Variants in SLC4A10 observed in about 807,000 individuals in gnomAD.
SLC4A10 encodes the protein solute carrier family 4 member 10.
A neutral mutation model predicts 137.7 loss-of-function variants in SLC4A10; 42 were observed. The ratio of observed to expected loss-of-function variants is 0.30; its 90% confidence interval spans 0.24 to 0.39. SLC4A10 has a LOEUF of 0.39. Ranked by LOEUF, SLC4A10 falls within the 10% of genes least tolerant of loss-of-function variation. The probability of loss-of-function intolerance (pLI) is 1.00; values close to 1 mark genes in which losing one functional copy is unlikely to be tolerated. For synonymous variants in SLC4A10, 474 were observed against 464.1 expected (o/e 1.02, Z -0.27); for missense variants, 925 against 1,355.0 (o/e 0.68, Z 4.98).
At chr2:161,835,499 T>C (rs2058710293) in intron 3 of SLC4A10, among the ~76,000 whole-genome samples, 1 of 152,186 alleles carries the variant, frequency 6.6e-6, no homozygotes, top group African/African-American at 2.4e-5. Flanking sequence ...AACTCCAAAA[T>C]CTACACTTGG....
intron 1 of SLC4A10, among the ~76,000 whole-genome samples, chr2:161,683,925 C>T (rs1464969221): frequency 2.6e-5 from 4 of 151,996 alleles, no homozygotes; most frequent in African/African-American, 4.8e-5. Flanking sequence ...TTGAATGTTC[C>T]AATTCTGTAA....
At position 161,958,417 on chromosome 2, in the gene SLC4A10, C is replaced by A. The variant is rs1696046264; in HGVS notation, c.2794-70C>A. ...AAATGCCTTTTTTCCCTGTTTTTTT[C>A]TTTGATAAATGCAAAACCACAATCT... On this transcript the variant is annotated intron_variant, in intron 20 of 26. Coordinates refer to ENST00000446997, the MANE Select transcript of SLC4A10 (RefSeq NM_001178015.2). 6 of 1,324,832 alleles carry A rather than the reference C, an allele frequency of 4.5e-6. No homozygotes were observed. The East Asian group carries it at 1.4e-4, about 31-fold the overall frequency. The allele number at this position is 1,324,832 out of a possible 1,614,324, so 82.1% of individuals were successfully genotyped here. A position where few individuals can be genotyped will look rare whatever the true frequency, so the allele number is the denominator to read the frequency against.
At chr2:161,660,661 C>CTTCTTTCTTTCTTTTTTTCT (rs1558970156) in intron 1 of SLC4A10, among the ~76,000 whole-genome samples, 1 of 130,008 alleles carries the variant, frequency 7.7e-6, no homozygotes, top group African/African-American at 3.4e-5. Context: ...TCTTTCTTTC[C>CTTCTTTCTTTCTTTTTTTCT]TTTTTTTTTT....
intron 1 of SLC4A10, among the ~76,000 whole-genome samples, chr2:161,653,581 A>G (rs1226222292): frequency 1.3e-5 from 2 of 152,208 alleles, no homozygotes; most frequent in Non-Finnish European, 2.9e-5. Context: ...ACTGTTTATT[A>G]TACTTTCTCT....
chr2:161,880,528 G>A (rs1485144242), intron 9 of SLC4A10, among the ~76,000 whole-genome samples: 1 of 152,030 alleles, frequency 6.6e-6, no homozygotes, highest in Non-Finnish European at 1.5e-5. Context: ...TCAGATTATA[G>A]AAAGAAGTCT....
chr2:161,645,335 C>G (rs986982885), intron 1 of SLC4A10, among the ~76,000 whole-genome samples: 1 of 151,772 alleles, frequency 6.6e-6, no homozygotes, highest in Non-Finnish European at 1.5e-5. Context: ...TACTACAAGA[C>G]TTCTTGTTAT....
At position 161,977,748 on chromosome 2, in the gene SLC4A10, T is replaced by C. The variant is rs771336156; in HGVS notation, c.*14T>C. 6.3e-7 allele frequency: 1 copy of C among 1,596,516 alleles called. No homozygotes were observed. Among genetic ancestry groups the C allele is most frequent in the Non-Finnish European group, 8.5e-7 (1 of 1,173,604 alleles). On this transcript the variant is annotated 3_prime_UTR_variant, in exon 26 of 27. Transcript: ENST00000446997. ...TCCCCTTCCTAATCACTCTAGAAGC[T>C]GATTCCCCAAAGGTAAGACCCTCTC...
chr2:161,842,438 C>A (rs931348676), intron 4 of SLC4A10, among the ~76,000 whole-genome samples: 1 of 152,008 alleles, frequency 6.6e-6, no homozygotes, highest in Non-Finnish European at 1.5e-5. Context: ...TAGTGAGGTA[C>A]AACATCTTTT....
chr2:161,751,475 G>T (rs1318806474), intron 1 of SLC4A10, among the ~76,000 whole-genome samples: 1 of 150,452 alleles, frequency 6.6e-6, no homozygotes, highest in Admixed American at 6.7e-5. Context: ...AGTTATAATA[G>T]TCTATTTTAA....
In SLC4A10 at chr2:161,624,752, T is replaced by TC. The variant is rs577653032; in HGVS notation, c.48+195dup. On this transcript the variant is annotated intron_variant, in intron 1 of 26. Transcript: ENST00000446997. Reference sequence around the variant, plus strand: ...CATAAAGCAAAGCACACGATTCTCCTCCCCCCCCCTTCTCAATATGGATGC... The same window carrying TC: ...CATAAAGCAAAGCACACGATTCTCCTCCCCCCCCCCTTCTCAATATGGATGC... Among the ~76,000 whole-genome samples, 359 of 148,880 alleles carry TC rather than the reference T, an allele frequency of 2.4e-3. 2 individuals are homozygous for TC. In the South Asian group the frequency reaches 0.036, roughly 15 times the overall value.
At chr2:161,950,593 A>T in intron 18 of SLC4A10, 94 bp from the exon 19 acceptor site, 3 of 1,196,104 alleles carry the variant, frequency 2.5e-6, no homozygotes, top group Admixed American at 2.7e-5. Flanking sequence ...CTCTGTTTAT[A>T]ATTAGGGCTT....
At chr2:161,868,232 T>C (rs1559421724) in intron 6 of SLC4A10, among the ~76,000 whole-genome samples, 1 of 151,824 alleles carries the variant, frequency 6.6e-6, no homozygotes, top group Non-Finnish European at 1.5e-5. Context: ...TACCTTTTTT[T>C]CCAATAATGA....
intron 8 of SLC4A10, among the ~76,000 whole-genome samples, chr2:161,874,249 C>A (rs1435633318): frequency 6.6e-6 from 1 of 152,208 alleles, no homozygotes; most frequent in Non-Finnish European, 1.5e-5. Context: ...TAACGAGCTG[C>A]ATATTTATGT....
chr2:161,625,823 G>A (rs918139616), intron 1 of SLC4A10, among the ~76,000 whole-genome samples: 1 of 152,046 alleles, frequency 6.6e-6, no homozygotes, highest in East Asian at 1.9e-4. Context: ...TGGGAAGAAT[G>A]CAAGGAGTTA....
At chr2:161,963,871 T>A (rs1296956416) in intron 21 of SLC4A10, among the ~76,000 whole-genome samples, 1 of 152,148 alleles carries the variant, frequency 6.6e-6, no homozygotes, top group Non-Finnish European at 1.5e-5. Context: ...GGTAGCAATA[T>A]TTAACATTGG....
chr2:161,859,804 G>C (rs562536998), intron 5 of SLC4A10, among the ~76,000 whole-genome samples: 1 of 151,832 alleles, frequency 6.6e-6, no homozygotes, highest in South Asian at 2.1e-4. Flanking sequence ...GTTTCACCGT[G>C]TTAGCCAGGA....
At chr2:161,867,618 G>A (rs1273863488) in intron 6 of SLC4A10, among the ~76,000 whole-genome samples, 10 of 151,968 alleles carry the variant, frequency 6.6e-5, no homozygotes, top group African/African-American at 2.4e-4. Flanking sequence ...ATTCTAGTAT[G>A]AAGTGTTTGA....
intron 3 of SLC4A10, among the ~76,000 whole-genome samples, chr2:161,828,767 CATAT>C (rs58808663): frequency 0.022 from 935 of 41,988 alleles, 13 homozygotes; most frequent in African/African-American, 0.028. Context: ...AATTCTAATT[CATAT>C]ATATATATAT....
intron 1 of SLC4A10, among the ~76,000 whole-genome samples, chr2:161,647,328 T>C (rs1044746347): frequency 6.6e-6 from 1 of 152,092 alleles, no homozygotes; most frequent in African/African-American, 2.4e-5. Context: ...TTTATTTTCA[T>C]GTCCAAATTA....
Sources: allele counts gnomAD v4.1 joint callset (sites outside exome capture counted in the v4.1 genomes callset), GRCh38; gene constraint gnomAD v4.1.1; transcripts MANE v1.5; gene names NCBI Gene and HGNC (gene_info 2026-07-23, HGNC 2026-07-21).